ELAVL2: variants seen among roughly 807,000 people sequenced by gnomAD.
ELAVL2 encodes ELAV like RNA binding protein 2.
In ELAVL2, 4 loss-of-function variants were observed where a neutral mutation model predicts 34.6. The ratio of observed to expected loss-of-function variants is 0.12; its 90% CI spans 0.06 to 0.26. ELAVL2 has a LOEUF of 0.26. ELAVL2 is among the 10% of genes least tolerant of loss of function. ELAVL2 has a pLI of 1.00. For missense variants in ELAVL2, 432 were observed against 442.8 expected (o/e 0.98, Z 0.22); for synonymous variants, 193 against 154.8 (o/e 1.25, Z -1.83).
intron 3 of ELAVL2, among the ~76,000 whole-genome samples, chr9:23,714,609 T>C (rs2041838059): frequency 6.6e-6 from 1 of 152,240 alleles, no homozygotes. Flanking sequence ...AATTCTCTTT[T>C]GTAGAGACCT....
chr9:23,725,997 G>A (rs1329502766), intron 3 of ELAVL2, among the ~76,000 whole-genome samples: 3 of 151,898 alleles, frequency 2.0e-5, no homozygotes, highest in Non-Finnish European at 4.4e-5. Context: ...AATCATTTTA[G>A]TAAGGTAATT....
At chr9:23,792,108 A>C (rs1229639993) in intron 1 of ELAVL2, among the ~76,000 whole-genome samples, 1 of 152,246 alleles carries the variant, frequency 6.6e-6, no homozygotes, top group African/African-American at 2.4e-5. Flanking sequence ...TTTCACTGTC[A>C]GTATTCAGTA....
the ELAVL2 span, among the ~76,000 whole-genome samples, chr9:23,848,623 C>T: frequency 2.0e-5 from 3 of 152,010 alleles, no homozygotes; most frequent in South Asian, 2.1e-4. Flanking sequence ...AATATATGCC[C>T]GCTAAAATAC....
At chr9:23,729,638 A>G (rs1327750679) in intron 3 of ELAVL2, among the ~76,000 whole-genome samples, 1 of 152,086 alleles carries the variant, frequency 6.6e-6, no homozygotes, top group Non-Finnish European at 1.5e-5. Context: ...GAATCTTTTC[A>G]TAGAACAGTT....
chr9:23,845,815 TA>T, the ELAVL2 span, among the ~76,000 whole-genome samples: 2 of 151,586 alleles, frequency 1.3e-5, no homozygotes, highest in African/African-American at 2.4e-5. Flanking sequence ...GGCAATTTTT[TA>T]AAAAAAAGAT....
At chr9:23,778,395 G>C (rs1426400225) in intron 1 of ELAVL2, among the ~76,000 whole-genome samples, 1 of 152,150 alleles carries the variant, frequency 6.6e-6, no homozygotes, top group Non-Finnish European at 1.5e-5. Flanking sequence ...AAAAACAGTA[G>C]TGTTCAACAT....
At position 23,724,610 on chromosome 9, in the gene ELAVL2, T is replaced by C. The variant is rs2044604550; in HGVS notation, c.333+6412A>G. ...TACAAATAACAATAAAAAAGTCATC[T>C]GTGACTTCTCACTTCAAATAAGGAC... On this transcript the variant is annotated intron_variant, in intron 3 of 6. Transcript: ENST00000397312. 2.0e-5 allele frequency among the ~76,000 whole-genome samples: 3 copies of C among 152,200 alleles called. No individual in the cohort carries two copies. The South Asian group carries it at 6.2e-4, about 31-fold the overall frequency.
chr9:23,708,782 C>T (rs1168499400), intron 3 of ELAVL2, among the ~76,000 whole-genome samples: 1 of 152,058 alleles, frequency 6.6e-6, no homozygotes, highest in Non-Finnish European at 1.5e-5. Flanking sequence ...GCTGGGATTA[C>T]AGGCATGTAC....
intron 4 of ELAVL2, among the ~76,000 whole-genome samples, chr9:23,702,712 CT>C (rs1330322338): frequency 6.6e-6 from 1 of 151,948 alleles, no homozygotes; most frequent in African/African-American, 2.4e-5. Flanking sequence ...GCCCCTATCA[CT>C]TTACCTTTTC....
chr9:23,703,424 C>T (rs1263478567), intron 4 of ELAVL2, among the ~76,000 whole-genome samples: 1 of 152,186 alleles, frequency 6.6e-6, no homozygotes, highest in Admixed American at 6.5e-5. Context: ...TATGAATTAA[C>T]TAACACAATT....
chr9:23,846,299 T>C, the ELAVL2 span, among the ~76,000 whole-genome samples: 2 of 151,902 alleles, frequency 1.3e-5, no homozygotes, highest in South Asian at 4.1e-4. Flanking sequence ...ATCACTGTGA[T>C]TAGAAGTTAA....
At chr9:23,805,877 T>A (rs1263555346) in intron 1 of ELAVL2, among the ~76,000 whole-genome samples, 1 of 152,114 alleles carries the variant, frequency 6.6e-6, no homozygotes, top group Non-Finnish European at 1.5e-5. Flanking sequence ...ACAGCACACT[T>A]TGAAGCGGTA....
chr9:23,783,211 AATT>A (rs1288002214), intron 1 of ELAVL2, among the ~76,000 whole-genome samples: 1 of 152,188 alleles, frequency 6.6e-6, no homozygotes, highest in Non-Finnish European at 1.5e-5. Flanking sequence ...TAATAAGCAG[AATT>A]ATCCTTACCT....
intron 1 of ELAVL2, among the ~76,000 whole-genome samples, chr9:23,817,269 A>G (rs927636632): frequency 2.0e-5 from 3 of 152,120 alleles, no homozygotes; most frequent in Admixed American, 2.0e-4. Context: ...ACTGTAAGGC[A>G]TTCTATAAAC....
At chr9:23,694,340 A>G (rs960282515) in intron 5 of ELAVL2, among the ~76,000 whole-genome samples, 1 of 152,190 alleles carries the variant, frequency 6.6e-6, no homozygotes, top group African/African-American at 2.4e-5. Context: ...CATTTTTCCT[A>G]TATCAAATAT....
intron 1 of ELAVL2, among the ~76,000 whole-genome samples, chr9:23,822,977 G>A (rs1020365825): frequency 6.6e-6 from 1 of 152,202 alleles, no homozygotes; most frequent in African/African-American, 2.4e-5. Flanking sequence ...GGGTGTGGGA[G>A]AGGCAAATTT....
At chr9:23,840,406 G>T in the ELAVL2 span, among the ~76,000 whole-genome samples, 2 of 149,168 alleles carry the variant, frequency 1.3e-5, no homozygotes, top group Admixed American at 1.3e-4. Context: ...ATATGTGTAT[G>T]AAAAGCTCCA....
chr9:23,776,521 T>C (rs1357299429), intron 1 of ELAVL2, among the ~76,000 whole-genome samples: 2 of 152,024 alleles, frequency 1.3e-5, no homozygotes, highest in South Asian at 2.1e-4. Flanking sequence ...AAAAGCAACA[T>C]TCCTGATCTA....
chr9:23,849,402 G>T, the ELAVL2 span: 1 of 152,156 alleles, frequency 6.6e-6, no homozygotes, highest in Non-Finnish European at 1.5e-5. Flanking sequence ...AAGAATGATG[G>T]CTTCAAATGT....
Sources: allele counts gnomAD v4.1 joint callset (sites outside exome capture counted in the v4.1 genomes callset), GRCh38; gene constraint gnomAD v4.1.1; transcripts MANE v1.5; gene names NCBI Gene and HGNC (gene_info 2026-07-23, HGNC 2026-07-21).